Variants in TM2D2 observed in about 807,000 individuals in gnomAD.
TM2D2 encodes TM2 domain-containing protein 2.
Under a neutral mutation model 23.0 loss-of-function variants are expected in TM2D2, and 19 were observed. The observed-to-expected ratio is 0.82, with a 90% CI of 0.58 to 1.21. TM2D2 has a LOEUF of 1.21. Ranked by LOEUF, TM2D2 falls within the 50% of genes most tolerant of loss-of-function variation. The pLI is 0.00. For missense variants in TM2D2, 246 were observed against 265.4 expected (o/e 0.93, Z 0.51); for synonymous variants, 120 against 108.8 (o/e 1.10, Z -0.64).
rs1835596221 is a variant in TM2D2 at position 38,991,432 on chromosome 8, G to A, written c.545C>T (p.Thr182Met). The change falls in exon 4 of 4, where the codon ACG becomes ATG. Residue 182 changes from threonine to methionine, a missense_variant. Physicochemically the swap from Thr to Met is moderately conservative, Grantham distance 81. Around this residue, in one of 2 missense-constraint regions of TM2D2, gnomAD observed 34 missense variants for 63.2 expected, o/e 0.54. Coordinates refer to ENST00000456397, the MANE Select transcript of TM2D2 (RefSeq NM_078473.3). ...HTGTAVGKLL[T>M]LGGLGIWWFV... ...CCACCAAATCCCAAGTCCTCCAAGC[G>A]TCAACAGCTTCCCTACTGCAGTGCC... The A allele has an allele frequency of 2.5e-6, 4 of 1,614,112 alleles. No individual in the cohort carries two copies. Among genetic ancestry groups the A allele is most frequent in the East Asian group, 2.2e-5 (1 of 44,876 alleles).
intron 3 of TM2D2, among the ~76,000 whole-genome samples, chr8:38,993,289 CA>C (rs1835656496): frequency 1.3e-5 from 2 of 152,086 alleles, no homozygotes; most frequent in African/African-American, 4.8e-5. Flanking sequence ...TAAAAAAAGT[CA>C]TATCAAAAAA....
chr8:38,991,679 T>G (rs1408067965), intron 3 of TM2D2, 134 bp from the exon 4 acceptor site: 1 of 710,916 alleles, frequency 1.4e-6, no homozygotes, highest in Non-Finnish European at 2.4e-6. Flanking sequence ...TTTTGTTTTC[T>G]TTTATGATAT....
At chr8:38,996,670 T>A (rs1413481442), upstream of TM2D2, 1 of 1,427,130 alleles carries the variant, frequency 7.0e-7, no homozygotes, top group Non-Finnish European at 9.1e-7. Context: ...CGATTCCTCT[T>A]CTGGGTCTCA....
Position 38,996,366 on chromosome 8 carries a change from A to G in TM2D2, c.74T>C (p.Leu25Pro). Reference protein sequence around the residue: ...GQAALLLGNLLLLHCVSRSHS... With the variant: ...GQAALLLGNLPLLHCVSRSHS... Reference sequence around the variant, plus strand: ...GCTCCGAGACACACAATGCAGCAGAAGTAAATTCCCCAGCAGCAAAGCCGC... The same window carrying G: ...GCTCCGAGACACACAATGCAGCAGAGGTAAATTCCCCAGCAGCAAAGCCGC... The change falls in exon 1 of 4, where the codon CTT becomes CCT. Residue 25 changes from leucine (L) to proline (P), a missense_variant. Coordinates refer to ENST00000456397, the MANE Select transcript of TM2D2 (RefSeq NM_078473.3). 3.1e-6 allele frequency: 5 copies of G among 1,614,216 alleles called. No individual in the cohort carries two copies. Among genetic ancestry groups the G allele is most frequent in the Non-Finnish European group, 4.2e-6 (5 of 1,180,036 alleles).
upstream of TM2D2, chr8:38,996,765 C>T: frequency 7.0e-7 from 1 of 1,420,444 alleles, no homozygotes; most frequent in Non-Finnish European, 9.2e-7. Context: ...GCCGACGGGG[C>T]GGGGCGGATA....
Position 38,991,128 on chromosome 8 carries a change from A to C in TM2D2, c.*204T>G, listed in dbSNP as rs542811102. The C allele has an allele frequency of 1.8e-4, 108 of 597,368 alleles. No individual in the cohort carries two copies. Among genetic ancestry groups the C allele is most frequent in the African/African-American group, 1.6e-3 (88 of 53,896 alleles). 37.0% of individuals were successfully genotyped at this position (597,368 alleles called of 1,614,324 possible). A position where few individuals can be genotyped will look rare whatever the true frequency, so the allele number is the denominator to read the frequency against. On this transcript the variant is annotated 3_prime_UTR_variant, in exon 4 of 4. Coordinates refer to ENST00000456397, the MANE Select transcript of TM2D2 (RefSeq NM_078473.3). ...AGGAACAAATTTGATTCCCCACAAC[A>C]CTTTTTGCTTGTCATTCCGTCTGCA... is the stretch of plus-strand genomic sequence containing the variant.
chr8:38,996,179 C>T, intron 1 of TM2D2, 34 bp downstream of exon 1: 2 of 1,599,386 alleles, frequency 1.3e-6, no homozygotes, highest in South Asian at 2.2e-5. Flanking sequence ...GGCACACCCT[C>T]CACGTCCACC....
intron 2 of TM2D2, chr8:38,993,918 C>G (rs561503926): frequency 3.7e-6 from 1 of 273,896 alleles, no homozygotes; most frequent in South Asian, 6.5e-5. Flanking sequence ...AAAAAACCCC[C>G]AAACACACTC....
At chr8:38,996,631 G>T, upstream of TM2D2, 1 of 1,435,378 alleles carries the variant, frequency 7.0e-7, no homozygotes, top group South Asian at 1.5e-5. Flanking sequence ...CAGACGGGCG[G>T]GGCTACTCCG....
At chr8:38,996,138 C>T (rs1200651083) in intron 1 of TM2D2, 75 bp downstream of exon 1, 6 of 1,511,686 alleles carry the variant, frequency 4.0e-6, no homozygotes, top group Non-Finnish European at 5.4e-6. Flanking sequence ...GTCCCCCCAA[C>T]CCTGCCTTCC....
In TM2D2 at chr8:38,996,346, G is replaced by C. The variant is rs988833158; in HGVS notation, c.94C>G (p.Arg32Gly). The change falls in exon 1 of 4, where the codon CGG (arginine) becomes GGG (glycine). Residue 32 changes from arginine (R) to glycine (G), a missense_variant. By Grantham distance (125) the Arg-to-Gly change is moderately radical (BLOSUM62 -2). This residue lies in a region of TM2D2 where 212 missense variants were observed against 202.2 expected (regional missense o/e 1.05). Transcript: ENST00000456397. ...GNLLLLHCVS[R>G]SHSQNATAEP... is the part of the protein sequence containing the mutation. Reference sequence around the variant, plus strand: ...GCGGTCGCATTTTGCGAGTGGCTCCGAGACACACAATGCAGCAGAAGTAAA... The same window carrying C: ...GCGGTCGCATTTTGCGAGTGGCTCCCAGACACACAATGCAGCAGAAGTAAA... 6.2e-7 allele frequency: 1 copy of C among 1,614,188 alleles called. No individual in the cohort carries two copies. The highest frequency in any genetic ancestry group is 8.5e-7 in the Non-Finnish European group (1 of 1,180,040).
Position 38,991,497 on chromosome 8 carries a change from C to T in TM2D2, c.480G>A (p.Leu160=), listed in dbSNP as rs371560347. ...AGAATCGATCCACACCAAAACATCC[C>T]AGGAAGAAGGAGTAGAGTAAAGTGG... ...FITTLLYSFF[L]GCFGVDRFCL... Residue 160 remains leucine (L), a synonymous_variant, in exon 4 of 4, where the codon CTG becomes CTA. Coordinates refer to ENST00000456397, the MANE Select transcript of TM2D2 (RefSeq NM_078473.3). The T allele has an allele frequency of 6.2e-7, 1 of 1,614,144 alleles. No individual in the cohort carries two copies. The highest frequency in any genetic ancestry group is 2.2e-5 in the East Asian group (1 of 44,884).
At chr8:38,995,550 C>A in intron 1 of TM2D2, 145 bp from the exon 2 acceptor site, 1 of 1,513,280 alleles carries the variant, frequency 6.6e-7, no homozygotes, top group South Asian at 1.3e-5. Flanking sequence ...CTTTCCAAGC[C>A]AATTAAACTG....
At position 38,989,300 on chromosome 8, in the gene TM2D2, G is replaced by GA. The variant is rs1349105797; in HGVS notation, c.*2031dup. 6.6e-6 allele frequency: 1 copy of GA among 152,120 alleles called. No individual in the cohort carries two copies. Among genetic ancestry groups the GA allele is most frequent in the African/African-American group, 2.4e-5 (1 of 41,376 alleles). The allele number at this position is 152,120 out of a possible 1,614,324, so 9.4% of individuals were successfully genotyped here. On this transcript the variant is annotated 3_prime_UTR_variant, in exon 4 of 4. Coordinates refer to ENST00000456397, the MANE Select transcript of TM2D2 (RefSeq NM_078473.3). ...GCAACATAAATGACTTCAAGCCTTG[G>GA]AGCTGCAAAATTTCTTTTTTGGTCA...
Position 38,989,988 on chromosome 8 carries a change from A to G in TM2D2, c.*1344T>C, listed in dbSNP as rs1232218153. On this transcript the variant is annotated 3_prime_UTR_variant, in exon 4 of 4. Transcript: ENST00000456397. ...TTTAATAAATACTATCTTAGGGTAT[A>G]AAGATTATGAATTAAAAGTTTACCA... 1 of 152,218 alleles carries G rather than the reference A, an allele frequency of 6.6e-6. No homozygotes were observed. The highest frequency in any genetic ancestry group is 1.5e-5 in the Non-Finnish European group (1 of 68,040). 9.4% of individuals were successfully genotyped at this position (152,218 alleles called of 1,614,324 possible). A position where few individuals can be genotyped will look rare whatever the true frequency, so the allele number is the denominator to read the frequency against.
intron 2 of TM2D2, chr8:38,993,932 G>C (rs1055978744): frequency 4.2e-6 from 1 of 237,940 alleles, no homozygotes; most frequent in African/African-American, 2.2e-5. Context: ...CACACTCAGT[G>C]TCATTAAAGG....
chr8:38,995,393 A>C lies in TM2D2; in HGVS notation c.240T>G (p.Phe80Leu), dbSNP rs748340346. The C allele has an allele frequency of 6.2e-7, 1 of 1,612,616 alleles. No individual in the cohort carries two copies. Residue 80 changes from phenylalanine (F) to leucine (L), a missense_variant, in exon 2 of 4, where the codon TTT becomes TTG. Coordinates refer to ENST00000456397, the MANE Select transcript of TM2D2 (RefSeq NM_078473.3). ...GATCCACTGGGTCTTCACATTCTAT[A>C]AATTCATCAGGTCTGTAATTCACCA... ...VILCSYLPDE[F>L]IECEDPVDHV...
intron 2 of TM2D2, 126 bp from the exon 3 acceptor site, chr8:38,993,786 G>A (rs1168654048): frequency 3.3e-6 from 2 of 612,826 alleles, no homozygotes; most frequent in Non-Finnish European, 5.7e-6. Flanking sequence ...CAAGGTTGAG[G>A]TACAGCTGTG....
intron 3 of TM2D2, among the ~76,000 whole-genome samples, chr8:38,993,234 T>C (rs1835655115): frequency 6.6e-6 from 1 of 152,162 alleles, no homozygotes; most frequent in Admixed American, 6.5e-5. Context: ...ATTGCTTCTG[T>C]CAATGAATTA....
Sources: gnomAD v4.1 joint callset for allele counts (sites outside exome capture counted in the v4.1 genomes callset) on GRCh38, gnomAD v4.1.1 for gene constraint, gnomAD v4.1.1 regional missense constraint, MANE v1.5 for transcripts, NCBI Gene and HGNC (gene_info 2026-07-23, HGNC 2026-07-21) for gene names.